The following ZNF138 variants were observed in gnomAD, a reference collection of about 807,000 sequenced individuals.
ZNF138 encodes the protein zinc finger protein 138, also known as zinc finger protein 138 (clone pHZ-32).
Under a neutral mutation model 33.0 loss-of-function variants are expected in ZNF138, and 33 were observed. The observed-to-expected ratio is 1.00, with a 90% CI of 0.76 to 1.34. The LOEUF is 1.34. Among genes scored for constraint, ZNF138 ranks in the 40% most tolerant of loss-of-function variants. The probability of loss-of-function intolerance (pLI) is 0.00; values close to 1 mark genes in which losing one functional copy is unlikely to be tolerated. For missense variants in ZNF138, 360 were observed against 370.8 expected (o/e 0.97, Z 0.24); for synonymous variants, 139 against 120.4 (o/e 1.15, Z -1.01).
downstream of ZNF138, among the ~76,000 whole-genome samples, chr7:64,838,376 C>T (rs915057046): frequency 6.0e-5 from 9 of 148,830 alleles, no homozygotes; most frequent in East Asian, 6.1e-4. Context: ...AGTTGCAAGG[C>T]AGGCAGGACG....
At chr7:64,806,463 TTCC>T (rs1787605235) in intron 1 of ZNF138, among the ~76,000 whole-genome samples, 1 of 152,150 alleles carries the variant, frequency 6.6e-6, no homozygotes, top group South Asian at 2.1e-4. Context: ...CCCTTTCCCT[TTCC>T]TCCTCCTCTT....
At chr7:64,817,373 G>A (rs6959276) in intron 3 of ZNF138, among the ~76,000 whole-genome samples, 149,395 of 151,598 alleles carry the variant, frequency 0.99, 73,650 homozygotes, top group East Asian at 1. Context: ...AGTTGGGTGG[G>A]CCATTTCTTG....
the ZNF138 span, among the ~76,000 whole-genome samples, chr7:64,847,333 T>TATATATATATA: frequency 2.5e-3 from 224 of 90,916 alleles, no homozygotes; most frequent in African/African-American, 6.8e-3. Context: ...TATATATATA[T>TATATATATATA]TTTTTTTTTT....
chr7:64,819,649 G>A (rs1174868766), intron 3 of ZNF138, among the ~76,000 whole-genome samples: 1 of 152,160 alleles, frequency 6.6e-6, no homozygotes, highest in African/African-American at 2.4e-5. Context: ...GATTACAAGC[G>A]GCAGCCACCA....
chr7:64,831,737 ACATTT>A lies in ZNF138; in HGVS notation c.498_502del (p.His166GlnfsTer3), dbSNP rs1392144789. ...ACAAGATAAGACATACTGAAAATAA[ACATTT>A]CAGATGTAAAGAATGTGACAAATCA... On this transcript the variant is annotated frameshift_variant, in exon 4 of 4. Coordinates refer to ENST00000307355, the MANE Select transcript of ZNF138 (RefSeq NM_001271639.2). LOFTEE classifies it high-confidence loss of function. 6.2e-7 allele frequency: 1 copy of A among 1,613,244 alleles called. No homozygotes were observed. Among genetic ancestry groups the A allele is most frequent in the Admixed American group, 1.7e-5 (1 of 59,966 alleles).
the ZNF138 span, among the ~76,000 whole-genome samples, chr7:64,859,727 A>G: frequency 1.3e-5 from 2 of 152,270 alleles, no homozygotes; most frequent in African/African-American, 4.8e-5. Flanking sequence ...AAAGAATTTC[A>G]CATACATAGT....
At chr7:64,827,900 T>G (rs1789769311) in intron 3 of ZNF138, among the ~76,000 whole-genome samples, 1 of 152,194 alleles carries the variant, frequency 6.6e-6, no homozygotes, top group Non-Finnish European at 1.5e-5. Flanking sequence ...TGACAATATT[T>G]ATCTCTGTAC....
chr7:64,852,519 A>T, the ZNF138 span: 927 of 1,573,556 alleles, frequency 5.9e-4, 8 homozygotes, highest in South Asian at 9.8e-3. Context: ...CCAATAATCC[A>T]TGCTTGGTGG....
At chr7:64,844,584 C>T in the ZNF138 span, among the ~76,000 whole-genome samples, 1 of 104,276 alleles carries the variant, frequency 9.6e-6, no homozygotes, top group Non-Finnish European at 1.9e-5. Context: ...AGGTCCCTTT[C>T]ACTCTTTTTA....
chr7:64,800,313 G>T (rs2863927), intron 1 of ZNF138, among the ~76,000 whole-genome samples: 1 of 152,030 alleles, frequency 6.6e-6, no homozygotes, highest in African/African-American at 2.4e-5. Context: ...CATTCAGTAC[G>T]TTGGTTGTGG....
At chr7:64,853,470 A>G in the ZNF138 span, 1 of 579,138 alleles carries the variant, frequency 1.7e-6, no homozygotes, top group Admixed American at 3.1e-5. Flanking sequence ...TTTTTTCTAT[A>G]TATATGAGAT....
chr7:64,799,001 T>C (rs1786922784), intron 1 of ZNF138, among the ~76,000 whole-genome samples: 1 of 152,082 alleles, frequency 6.6e-6, no homozygotes, highest in Non-Finnish European at 1.5e-5. Context: ...GCTTTGTTCT[T>C]TTTGCTTAGA....
chr7:64,838,004 TATAAC>T (rs1465808857), downstream of ZNF138, among the ~76,000 whole-genome samples: 2 of 152,094 alleles, frequency 1.3e-5, no homozygotes, highest in African/African-American at 4.8e-5. Context: ...CATCAATCCT[TATAAC>T]AGAGATTGAG....
the ZNF138 span, chr7:64,853,263 T>C: frequency 6.2e-7 from 1 of 1,611,638 alleles, no homozygotes; most frequent in African/African-American, 1.3e-5. Context: ...GGGCACTTTG[T>C]AGCCTGTGCC....
At chr7:64,840,720 A>AT in the ZNF138 span, among the ~76,000 whole-genome samples, 2 of 92,956 alleles carry the variant, frequency 2.2e-5, no homozygotes, top group Admixed American at 1.0e-4. Flanking sequence ...CTGCTTAAAC[A>AT]TTTAAAAAAA....
At chr7:64,853,485 T>TG in the ZNF138 span, 1 of 508,382 alleles carries the variant, frequency 2.0e-6, no homozygotes, top group Non-Finnish European at 3.5e-6. Flanking sequence ...TGAGATCATG[T>TG]AGTATTTGTC....
intron 1 of ZNF138, among the ~76,000 whole-genome samples, chr7:64,809,817 A>C (rs1293758920): frequency 8.2e-6 from 1 of 122,368 alleles, no homozygotes; most frequent in Non-Finnish European, 1.7e-5. Flanking sequence ...CACATCCCAG[A>C]CGGGGCGGCG....
intron 3 of ZNF138, among the ~76,000 whole-genome samples, chr7:64,822,137 T>C (rs1028615315): frequency 4.0e-5 from 6 of 151,152 alleles, no homozygotes; most frequent in Non-Finnish European, 7.4e-5. Context: ...GCCAAGATGG[T>C]CTCGATCTCC....
At chr7:64,834,019 C>G (rs1343922267), downstream of ZNF138, among the ~76,000 whole-genome samples, 1 of 152,134 alleles carries the variant, frequency 6.6e-6, no homozygotes, top group Non-Finnish European at 1.5e-5. Context: ...AGCCACTGTT[C>G]CCAGCCAATA....
Sources: allele counts gnomAD v4.1 joint callset (sites outside exome capture counted in the v4.1 genomes callset), GRCh38; gene constraint gnomAD v4.1.1; transcripts MANE v1.5; gene names NCBI Gene and HGNC (gene_info 2026-07-23, HGNC 2026-07-21).